Variants in FAIM observed in about 807,000 individuals in gnomAD.
The protein encoded by FAIM is Fas apoptotic inhibitory molecule.
FAIM carries 14 observed loss-of-function variants against 21.2 expected under a neutral mutation model. That is an observed-to-expected ratio of 0.66 (90% CI 0.44 to 1.03). FAIM has a LOEUF of 1.03. Among genes scored for constraint, FAIM ranks in the 50% least tolerant of loss-of-function variants. FAIM has a pLI of 0.00. For synonymous variants in FAIM, 86 were observed against 80.4 expected, an observed-to-expected ratio of 1.07 and a Z score of -0.37; for missense variants, 222 against 247.1, an observed-to-expected ratio of 0.90 and a Z score of 0.68.
intron 1 of FAIM, among the ~76,000 whole-genome samples, chr3:138,617,891 A>G (rs535482904): frequency 1.4e-5 from 2 of 146,942 alleles, no homozygotes; most frequent in African/African-American, 5.0e-5. Context: ...GATCATATAG[A>G]TATAGATACT....
chr3:138,629,057 A>T (rs370244534), intron 4 of FAIM, 50 bp from the exon 5 acceptor site: 18 of 1,401,724 alleles, frequency 1.3e-5, no homozygotes, highest in Non-Finnish European at 1.5e-5. Context: ...AGTTAACTTT[A>T]TCTTTAAATC....
chr3:138,630,287 C>A (rs554920882), intron 5 of FAIM: 1 of 152,158 alleles, frequency 6.6e-6, no homozygotes, highest in Admixed American at 6.6e-5. Context: ...GGTCTGATAG[C>A]TGTTTCTGAG....
intron 1 of FAIM, 199 bp downstream of exon 1, chr3:138,609,136 T>G (rs2042722665): frequency 1.3e-5 from 2 of 151,712 alleles, no homozygotes; most frequent in East Asian, 1.9e-4. Context: ...CCCGCGCGGG[T>G]GAGACGCTGG....
At position 138,629,175 on chromosome 3, in the gene FAIM, G is replaced by A. The variant is rs922434979; in HGVS notation, c.456+19G>A. On this transcript the variant is annotated intron_variant, in intron 5 of 5. Coordinates refer to ENST00000360570, the MANE Select transcript of FAIM (RefSeq NM_001033031.2). ...GACAGCGGTAAGTTGACTATTTGATGACTCTAAGTGCCATGTGTCTCAGTT... is the reference window on the plus strand; with the variant it reads ...GACAGCGGTAAGTTGACTATTTGATAACTCTAAGTGCCATGTGTCTCAGTT... The A allele has an allele frequency of 6.3e-6, 10 of 1,590,212 alleles. No homozygotes were observed. The highest frequency in any genetic ancestry group is 8.6e-6 in the Non-Finnish European group (10 of 1,161,396).
chr3:138,615,309 G>A (rs1216129055), intron 1 of FAIM, among the ~76,000 whole-genome samples: 1 of 152,180 alleles, frequency 6.6e-6, no homozygotes, highest in Admixed American at 6.5e-5. Flanking sequence ...TTATAAGCCG[G>A]GGACCATCTG....
At chr3:138,613,771 C>T (rs654528) in intron 1 of FAIM, among the ~76,000 whole-genome samples, 71,230 of 152,128 alleles carry the variant, frequency 0.47, 18,823 homozygotes, top group South Asian at 0.64. Flanking sequence ...GGGTGTGAGC[C>T]ACCACACCCA....
rs148507350 is a variant in FAIM, at chr3:138,621,485, C to G, written c.123C>G (p.Ile41Met). ...DVALSDGVHK[I>M]EFEHGTTSGK... Reference sequence around the variant, plus strand: ...CTTTAAGTGACGGAGTCCACAAGATCGAATTTGAACATGGGACTACATCAG... The same window carrying G: ...CTTTAAGTGACGGAGTCCACAAGATGGAATTTGAACATGGGACTACATCAG... The change falls in exon 3 of 6, where the codon ATC (isoleucine) becomes ATG (methionine). Residue 41 changes from isoleucine (I) to methionine (M), a missense_variant. Ile to Met is a conservative substitution (Grantham distance 10, BLOSUM62 1). Coordinates refer to ENST00000360570, the MANE Select transcript of FAIM (RefSeq NM_001033031.2). The G allele has an allele frequency of 1.4e-5, 22 of 1,613,472 alleles. No individual in the cohort carries two copies. Among genetic ancestry groups the G allele is most frequent in the Non-Finnish European group, 1.9e-5 (22 of 1,179,848 alleles).
At chr3:138,621,288 G>A in intron 2 of FAIM, 119 bp from the exon 3 acceptor site, 1 of 1,054,960 alleles carries the variant, frequency 9.5e-7, no homozygotes, top group Non-Finnish European at 1.4e-6. Context: ...CTTAGGTACT[G>A]TCACTTTAAT....
At chr3:138,629,038 A>C in intron 4 of FAIM, 69 bp from the exon 5 acceptor site, 1 of 1,238,292 alleles carries the variant, frequency 8.1e-7, no homozygotes, top group South Asian at 1.3e-5. Flanking sequence ...TAAAGTAATA[A>C]ATAGGAAAAG....
intron 1 of FAIM, among the ~76,000 whole-genome samples, chr3:138,613,747 A>G (rs1214962058): frequency 1.3e-5 from 2 of 152,170 alleles, no homozygotes; most frequent in Admixed American, 6.5e-5. Flanking sequence ...GGCCTCCCAA[A>G]TTGCTGGGAA....
chr3:138,609,337 G>A (rs2042725844), intron 1 of FAIM, among the ~76,000 whole-genome samples: 1 of 152,048 alleles, frequency 6.6e-6, no homozygotes, highest in Admixed American at 6.5e-5. Flanking sequence ...CCTCCGGCCT[G>A]TTCGCGACCT....
intron 2 of FAIM, chr3:138,621,170 G>C (rs2042880570): frequency 2.1e-6 from 1 of 468,210 alleles, no homozygotes; most frequent in South Asian, 2.6e-5. Context: ...TATTAAGGTG[G>C]CTTTTTTTTA....
chr3:138,629,681 T>C (rs2042982554), intron 5 of FAIM: 1 of 152,204 alleles, frequency 6.6e-6, no homozygotes, highest in African/African-American at 2.4e-5. Context: ...AGCGAGATTT[T>C]TGTAAAATGA....
chr3:138,621,432 A>G lies in FAIM; in HGVS notation c.70A>G (p.Thr24Ala). ...CCCTCCTTACAGCCTAGAAAAAATGACAGATCTCGTAGCTGTTTGGGATGT... is the reference window on the plus strand; with the variant it reads ...CCCTCCTTACAGCCTAGAAAAAATGGCAGATCTCGTAGCTGTTTGGGATGT... ...ESPPYSLEKM[T>A]DLVAVWDVAL... Residue 24 changes from threonine (T) to alanine (A), a missense_variant, in exon 3 of 6, where the codon ACA (threonine) becomes GCA (alanine). Coordinates refer to ENST00000360570, the MANE Select transcript of FAIM (RefSeq NM_001033031.2). 1 of 1,613,854 alleles carries G rather than the reference A, an allele frequency of 6.2e-7. No individual in the cohort carries two copies. Among genetic ancestry groups the G allele is most frequent in the East Asian group, 2.2e-5 (1 of 44,854 alleles).
chr3:138,624,046 CAGA>C (rs1177551907), intron 4 of FAIM, among the ~76,000 whole-genome samples: 1 of 151,852 alleles, frequency 6.6e-6, no homozygotes, highest in African/African-American at 2.4e-5. Flanking sequence ...TTTTTCTTTC[CAGA>C]AGGTTTTGGG....
intron 1 of FAIM, among the ~76,000 whole-genome samples, chr3:138,614,797 C>T (rs909804619): frequency 3.3e-5 from 5 of 151,466 alleles, no homozygotes; most frequent in Admixed American, 6.6e-5. Flanking sequence ...AAAAATGAGC[C>T]GGGTGTGGTG....
intron 4 of FAIM, among the ~76,000 whole-genome samples, chr3:138,626,833 C>G (rs2042943805): frequency 6.6e-6 from 1 of 152,160 alleles, no homozygotes; most frequent in African/African-American, 2.4e-5. Flanking sequence ...GCTATTTTCC[C>G]CAGGTTCTCC....
At chr3:138,627,087 TGTGA>T (rs1194788358) in intron 4 of FAIM, among the ~76,000 whole-genome samples, 1 of 152,216 alleles carries the variant, frequency 6.6e-6, no homozygotes, top group Non-Finnish European at 1.5e-5. Flanking sequence ...TTGTTCATGC[TGTGA>T]GTTTGACATA....
rs1236051562 is a variant in FAIM at position 138,621,450 on chromosome 3, T to G, written c.88T>G (p.Trp30Gly). The change falls in exon 3 of 6, where the codon TGG (tryptophan) becomes GGG (glycine). Residue 30 changes from tryptophan (W) to glycine (G), a missense_variant. By Grantham distance (184) the Trp-to-Gly change is radical (BLOSUM62 -2). Transcript: ENST00000360570. The part of the protein sequence containing the change: ...LEKMTDLVAV[W>G]DVALSDGVHK... Reference sequence around the variant, plus strand: ...AAAAATGACAGATCTCGTAGCTGTTTGGGATGTTGCTTTAAGTGACGGAGT... The same window carrying G: ...AAAAATGACAGATCTCGTAGCTGTTGGGGATGTTGCTTTAAGTGACGGAGT... 1 of 1,613,936 alleles carries G rather than the reference T, an allele frequency of 6.2e-7. No individual in the cohort carries two copies. Among genetic ancestry groups the G allele is most frequent in the Admixed American group, 1.7e-5 (1 of 59,986 alleles).
Sources: allele counts gnomAD v4.1 joint callset (sites outside exome capture counted in the v4.1 genomes callset), GRCh38; gene constraint gnomAD v4.1.1; transcripts MANE v1.5; gene names NCBI Gene and HGNC (gene_info 2026-07-23, HGNC 2026-07-21).